The following ELK3 variants were observed in gnomAD, a reference collection of about 807,000 sequenced individuals.
The protein encoded by ELK3 is ETS domain-containing protein Elk-3.
Under a neutral mutation model 28.9 loss-of-function variants are expected in ELK3, and 10 were observed. The observed-to-expected ratio is 0.35, with a 90% CI of 0.21 to 0.59. The LOEUF (loss-of-function observed/expected upper bound fraction) is 0.59, where lower values mean the gene tolerates loss of function less well. Ranked by LOEUF, ELK3 falls within the 20% of genes least tolerant of loss-of-function variation. ELK3 has a pLI of 0.82. For synonymous variants in ELK3, 272 were observed against 243.5 expected (o/e 1.12, Z -1.09); for missense variants, 463 against 517.3 (o/e 0.90, Z 1.02).
intron 4 of ELK3, among the ~76,000 whole-genome samples, chr12:96,266,188 T>G (rs899786895): frequency 6.6e-6 from 1 of 152,212 alleles, no homozygotes; most frequent in African/African-American, 2.4e-5. Context: ...CAAAAACATA[T>G]TTACTTAAAT....
intron 2 of ELK3, among the ~76,000 whole-genome samples, chr12:96,234,009 G>A (rs1051911077): frequency 6.6e-6 from 1 of 152,218 alleles, no homozygotes; most frequent in Non-Finnish European, 1.5e-5. Context: ...TCTCTCACAA[G>A]CTTGGGTCCT....
Position 96,247,594 on chromosome 12 carries a change from C to A in ELK3, c.862C>A (p.Pro288Thr), listed in dbSNP as rs569056023. ...SGSKTKSPSL[P>T]PKAKKPKGLE... Reference sequence around the variant, plus strand: ...CTCCAAGACCAAGTCTCCATCTCTTCCCCCAAAGGCCAAAAAACCCAAAGG... The same window carrying A: ...CTCCAAGACCAAGTCTCCATCTCTTACCCCAAAGGCCAAAAAACCCAAAGG... Residue 288 changes from proline to threonine, a missense_variant, in exon 3 of 5, where the codon CCC becomes ACC. By Grantham distance (38) the Pro-to-Thr change is conservative. Transcript: ENST00000228741. This position sits in a 1 kb window ranked among gnomAD's most constrained non-coding sequence, Gnocchi z 5.5. 1 of 1,613,896 alleles carries A rather than the reference C, an allele frequency of 6.2e-7. No homozygotes were observed. The highest frequency in any genetic ancestry group is 1.1e-5 in the South Asian group (1 of 91,080).
At chr12:96,237,562 C>T (rs1195165823) in intron 2 of ELK3, among the ~76,000 whole-genome samples, 1 of 152,248 alleles carries the variant, frequency 6.6e-6, no homozygotes, top group Non-Finnish European at 1.5e-5. Flanking sequence ...AAGCTGGCTT[C>T]ACTCCTTCTC....
chr12:96,239,122 A>G (rs1951802879), intron 2 of ELK3, among the ~76,000 whole-genome samples: 1 of 152,252 alleles, frequency 6.6e-6, no homozygotes, highest in Non-Finnish European at 1.5e-5. Flanking sequence ...CATATCAAAT[A>G]TACATTCTTT....
In ELK3 at chr12:96,226,510, C is replaced by CCATGCCCA. The variant is rs573319733; in HGVS notation, c.207+2740_207+2747dup. Among the ~76,000 whole-genome samples, 60 of 38,740 alleles carry CCATGCCCA rather than the reference C, an allele frequency of 1.5e-3. 1 individual carries two copies. The highest frequency in any genetic ancestry group is 6.8e-3 in the African/African-American group (56 of 8,296). 25.4% of individuals were successfully genotyped at this position (38,740 alleles called of 152,430 possible). ...CACAGAGATGTCCACATGTGCACACCCATGCCCACACAGATGTCCACATGT... is the reference window on the plus strand; with the variant it reads ...CACAGAGATGTCCACATGTGCACACCCATGCCCACATGCCCACACAGATGTCCACATGT... On this transcript the variant is annotated intron_variant, in intron 2 of 4. Coordinates refer to ENST00000228741, the MANE Select transcript of ELK3 (RefSeq NM_005230.4).
chr12:96,214,493 GAGTA>G (rs779589395), intron 1 of ELK3, among the ~76,000 whole-genome samples: 5 of 151,556 alleles, frequency 3.3e-5, no homozygotes, highest in Admixed American at 1.3e-4. Flanking sequence ...AGACTGTAAA[GAGTA>G]AGTAAATAGG....
At chr12:96,201,623 G>A (rs1483251996) in intron 1 of ELK3, among the ~76,000 whole-genome samples, 1 of 149,696 alleles carries the variant, frequency 6.7e-6, no homozygotes, top group African/African-American at 2.5e-5. Context: ...TGGAGAAGCT[G>A]AGATATACTC....
chr12:96,263,097 T>C (rs1304164226), intron 4 of ELK3, among the ~76,000 whole-genome samples: 3 of 152,216 alleles, frequency 2.0e-5, no homozygotes, highest in Non-Finnish European at 1.5e-5. Context: ...ATTACCATGA[T>C]TGGAAAGGTT....
At chr12:96,256,492 G>A (rs1411077831) in intron 3 of ELK3, among the ~76,000 whole-genome samples, 1 of 152,090 alleles carries the variant, frequency 6.6e-6, no homozygotes, top group Admixed American at 6.5e-5. Flanking sequence ...CATGAAGTTG[G>A]AGCATGGTGG....
chr12:96,199,024 C>G (rs1328107684), intron 1 of ELK3, among the ~76,000 whole-genome samples: 1 of 152,158 alleles, frequency 6.6e-6, no homozygotes, highest in Non-Finnish European at 1.5e-5. Flanking sequence ...AAGTAATGTT[C>G]TAAGAATGCT....
chr12:96,233,849 C>G (rs1951760768), intron 2 of ELK3, among the ~76,000 whole-genome samples: 1 of 152,170 alleles, frequency 6.6e-6, no homozygotes, highest in Non-Finnish European at 1.5e-5. Flanking sequence ...TCGAGGGGGC[C>G]CTCTGTGCCC....
At chr12:96,201,173 A>G (rs563823302) in intron 1 of ELK3, among the ~76,000 whole-genome samples, 17 of 152,350 alleles carry the variant, frequency 1.1e-4, no homozygotes, top group Middle Eastern at 6.8e-3. Context: ...GAGGAAAAAG[A>G]AAAATCCTTT....
At chr12:96,208,556 G>T (rs1951554161) in intron 1 of ELK3, among the ~76,000 whole-genome samples, 1 of 152,228 alleles carries the variant, frequency 6.6e-6, no homozygotes. Flanking sequence ...GCTTCATCCA[G>T]TTCCCAAGAA....
intron 1 of ELK3, among the ~76,000 whole-genome samples, chr12:96,207,514 AT>A (rs1168193297): frequency 2.0e-5 from 3 of 152,332 alleles, no homozygotes; most frequent in African/African-American, 7.2e-5. Flanking sequence ...TTATGTATAA[AT>A]GTTTATGCCT....
Position 96,204,091 on chromosome 12 carries a change from T to C in ELK3, c.-3+9386T>C, listed in dbSNP as rs78063958. Among the ~76,000 whole-genome samples, 441 of 152,330 alleles carry C rather than the reference T, an allele frequency of 2.9e-3. 4 individuals carry two copies. Among genetic ancestry groups the C allele is most frequent in the Middle Eastern group, 0.017 (5 of 294 alleles). Reference sequence around the variant, plus strand: ...GGTTTGGCTCTATTGTTGGTATCAGTGTTACTATACTGAGAGTGGTCGGTT... The same window carrying C: ...GGTTTGGCTCTATTGTTGGTATCAGCGTTACTATACTGAGAGTGGTCGGTT... On this transcript the variant is annotated intron_variant, in intron 1 of 4. Transcript: ENST00000228741.
At chr12:96,230,331 G>T (rs758238300) in intron 2 of ELK3, among the ~76,000 whole-genome samples, 6 of 152,182 alleles carry the variant, frequency 3.9e-5, no homozygotes, top group Non-Finnish European at 7.3e-5. Context: ...TTCTCAGAAC[G>T]TAGCCTCATC....
At chr12:96,227,107 G>T (rs932997919) in intron 2 of ELK3, among the ~76,000 whole-genome samples, 6 of 152,158 alleles carry the variant, frequency 3.9e-5, no homozygotes, top group African/African-American at 1.4e-4. Context: ...TTGGAGCAGA[G>T]TCTTTGTGGA....
chr12:96,196,968 C>T (rs1951474444), intron 1 of ELK3, among the ~76,000 whole-genome samples: 1 of 151,970 alleles, frequency 6.6e-6, no homozygotes, highest in Non-Finnish European at 1.5e-5. Flanking sequence ...TACAGGATGT[C>T]CCTAATGCTA....
intron 1 of ELK3, among the ~76,000 whole-genome samples, chr12:96,215,333 C>T (rs1292469985): frequency 6.6e-6 from 1 of 152,128 alleles, no homozygotes; most frequent in Non-Finnish European, 1.5e-5. Flanking sequence ...GGGGTCTGTG[C>T]GGCCCTTGCT....
Sources: gnomAD v4.1 joint callset for allele counts (sites outside exome capture counted in the v4.1 genomes callset) on GRCh38, gnomAD v4.1.1 for gene constraint, Gnocchi (gnomAD v3.1) non-coding constraint, MANE v1.5 for transcripts, NCBI Gene and HGNC (gene_info 2026-07-23, HGNC 2026-07-21) for gene names.